The following TPTE2 variants were observed in gnomAD, a reference collection of about 807,000 sequenced individuals.
The protein encoded by TPTE2 is phosphatidylinositol 3,4,5-trisphosphate 3-phosphatase TPTE2.
In TPTE2, 53 loss-of-function variants were observed where a neutral mutation model predicts 78.6. The observed-to-expected ratio is 0.67, with a 90% confidence interval of 0.54 to 0.85. TPTE2 has a LOEUF of 0.85. TPTE2 is among the 40% of genes least tolerant of loss of function. TPTE2 has a pLI of 0.00. For missense variants in TPTE2, 461 were observed against 623.0 expected, an observed-to-expected ratio of 0.74 and a Z score of 2.77; for synonymous variants, 175 against 206.2, an observed-to-expected ratio of 0.85 and a Z score of 1.30.
At chr13:19,494,204 T>C (rs1248022318) in intron 1 of TPTE2, among the ~76,000 whole-genome samples, 1 of 152,218 alleles carries the variant, frequency 6.6e-6, no homozygotes, top group Non-Finnish European at 1.5e-5. Context: ...CAGTAACAGA[T>C]GGAAGCCTCT....
chr13:19,499,447 A>G (rs1466564836), intron 1 of TPTE2, among the ~76,000 whole-genome samples: 94 of 144,956 alleles, frequency 6.5e-4, no homozygotes, highest in Non-Finnish European at 1.1e-3. Context: ...ATAACAAACT[A>G]TCTCTCAGAC....
At chr13:19,548,994 C>A in the TPTE2 span, among the ~76,000 whole-genome samples, 98,797 of 151,602 alleles carry the variant, frequency 0.65, 34,702 homozygotes, top group East Asian at 0.88. Flanking sequence ...GGTGGCGGGC[C>A]CCTGTATCCC....
intron 2 of TPTE2, 40 bp downstream of exon 5, chr13:19,493,408 T>TA: frequency 6.3e-7 from 1 of 1,598,336 alleles, no homozygotes; most frequent in Non-Finnish European, 8.6e-7. Context: ...TATGCACACT[T>TA]ATGCTGACGG....
At chr13:19,539,051 CCT>C (rs1871364078), upstream of TPTE2, among the ~76,000 whole-genome samples, 1 of 152,128 alleles carries the variant, frequency 6.6e-6, no homozygotes, top group Non-Finnish European at 1.5e-5. Context: ...CTAGATTCTC[CCT>C]CTTATAAAGC....
chr13:19,557,043 AC>A, the TPTE2 span, among the ~76,000 whole-genome samples: 35 of 152,322 alleles, frequency 2.3e-4, no homozygotes, highest in Admixed American at 7.2e-4. Flanking sequence ...CTGAACAATC[AC>A]TAAGTCACTT....
intron 16 of TPTE2, among the ~76,000 whole-genome samples, chr13:19,431,471 T>C (rs7986485): frequency 0.1 from 15,665 of 152,208 alleles, 935 homozygotes; most frequent in Middle Eastern, 0.18. Context: ...CTCTCAATTC[T>C]ACATTAATTT....
At chr13:19,493,347 G>A (rs1301599260) in intron 2 of TPTE2, 101 bp downstream of exon 5, 2 of 937,808 alleles carry the variant, frequency 2.1e-6, no homozygotes, top group African/African-American at 3.8e-5. Flanking sequence ...ATGGATGGAT[G>A]GATGGATGGA....
At chr13:19,546,713 C>G in the TPTE2 span, among the ~76,000 whole-genome samples, 1 of 151,880 alleles carries the variant, frequency 6.6e-6, no homozygotes, top group Admixed American at 6.6e-5. Flanking sequence ...TGGTCTTGAG[C>G]TCCTGACCTC....
intron 4 of TPTE2, among the ~76,000 whole-genome samples, chr13:19,478,790 G>C (rs1880132729): frequency 6.6e-6 from 1 of 152,070 alleles, no homozygotes; most frequent in African/African-American, 2.4e-5. Flanking sequence ...ACTGGATTAA[G>C]AAAATGTGGC....
chr13:19,525,338 C>T (rs183565818), intron 1 of TPTE2, among the ~76,000 whole-genome samples: 21 of 152,248 alleles, frequency 1.4e-4, no homozygotes, highest in African/African-American at 4.3e-4. Context: ...GGCACTGGTA[C>T]AAAAACAGAC....
chr13:19,423,252 C>CAAA, intron 19 of TPTE2, 88 bp from the exon 23 acceptor site: 1 of 953,460 alleles, frequency 1.0e-6, no homozygotes. Flanking sequence ...CTGGAAGAAA[C>CAAA]AAAAAAAAAC....
In TPTE2 at chr13:19,493,538, C is replaced by T. The variant is rs778539361; in HGVS notation, c.12-37G>A. 3.1e-6 allele frequency: 5 copies of T among 1,598,132 alleles called. No homozygotes were observed. The South Asian group carries it at 5.5e-5, about 18-fold the overall frequency. On this transcript the variant is annotated intron_variant, in intron 1 of 19. Coordinates refer to ENST00000400230, the Ensembl canonical transcript of TPTE2. Reference sequence around the variant, plus strand: ...TAAGAGAATACAGTCAGAGAGGAGACATAATTCTGAATTTATATTTTGGAA... The same window carrying T: ...TAAGAGAATACAGTCAGAGAGGAGATATAATTCTGAATTTATATTTTGGAA...
upstream of TPTE2, chr13:19,503,299 C>G: frequency 6.2e-7 from 1 of 1,612,454 alleles, no homozygotes; most frequent in South Asian, 1.1e-5. Flanking sequence ...CAAAAGAATA[C>G]AGTCAGACAG....
chr13:19,488,195 G>A (rs1880771763), intron 3 of TPTE2, among the ~76,000 whole-genome samples: 1 of 152,124 alleles, frequency 6.6e-6, no homozygotes, highest in Admixed American at 6.5e-5. Flanking sequence ...TTCTCGTAGG[G>A]GAGATGAGCA....
Position 19,444,671 on chromosome 13 carries a change from C to T in TPTE2, c.973+5405G>A, listed in dbSNP as rs372552020. Among the ~76,000 whole-genome samples the T allele has an allele frequency of 6.6e-5, 10 of 152,174 alleles. No homozygotes were observed. The East Asian group carries it at 1.2e-3, about 18-fold the overall frequency. Reference sequence around the variant, plus strand: ...ATGCAATTCCAAACAAATTTCTATCCAGTGTGTGTAATTTGACTAGTTGAT... The same window carrying T: ...ATGCAATTCCAAACAAATTTCTATCTAGTGTGTGTAATTTGACTAGTTGAT... On this transcript the variant is annotated intron_variant, in intron 13 of 19. Transcript: ENST00000400230.
At chr13:19,468,155 C>G (rs1566053427) in intron 6 of TPTE2, among the ~76,000 whole-genome samples, 1 of 147,636 alleles carries the variant, frequency 6.8e-6, no homozygotes. Flanking sequence ...ATTCTCCTGC[C>G]TCAGCCTCAC....
At chr13:19,516,253 T>C (rs1869785238) in intron 1 of TPTE2, among the ~76,000 whole-genome samples, 1 of 152,216 alleles carries the variant, frequency 6.6e-6, no homozygotes, top group Non-Finnish European at 1.5e-5. Context: ...CAGTTATTCA[T>C]TTAACAAAAC....
At chr13:19,509,067 G>A (rs1424212498) in intron 1 of TPTE2, among the ~76,000 whole-genome samples, 7 of 151,992 alleles carry the variant, frequency 4.6e-5, no homozygotes, top group East Asian at 3.9e-4. Flanking sequence ...GGGAAATCAC[G>A]AAATATTTTA....
intron 18 of TPTE2, chr13:19,426,207 A>T (rs1780661573): frequency 2.1e-6 from 1 of 477,224 alleles, no homozygotes; most frequent in African/African-American, 2.0e-5. Flanking sequence ...AATACAGGTA[A>T]ATTTAGAAAA....
Sources: gnomAD v4.1 joint callset for allele counts (sites outside exome capture counted in the v4.1 genomes callset) on GRCh38, gnomAD v4.1.1 for gene constraint, MANE v1.5 for transcripts, NCBI Gene and HGNC (gene_info 2026-07-23, HGNC 2026-07-21) for gene names.